The following EBI3 variants were observed in gnomAD, a reference collection of about 807,000 sequenced individuals.
The protein encoded by EBI3 is interleukin-27 subunit beta.
A neutral mutation model predicts 21.3 loss-of-function variants in EBI3; 19 were observed. The ratio of observed to expected loss-of-function variants is 0.89; its 90% CI spans 0.62 to 1.31. The LOEUF is 1.31. EBI3 is among the 50% of genes most tolerant of loss of function. EBI3 has a pLI of 0.00. For missense variants in EBI3, 331 were observed against 314.0 expected (o/e 1.05, Z -0.41); for synonymous variants, 154 against 131.2 (o/e 1.17, Z -1.19).
At chr19:4,232,433 A>G (rs985127679) in intron 2 of EBI3, among the ~76,000 whole-genome samples, 4 of 151,194 alleles carry the variant, frequency 2.6e-5, no homozygotes, top group African/African-American at 7.3e-5. Context: ...AATCAAAAAA[A>G]TTAGCTGGAT....
chr19:4,230,611 T>C (rs532052841), intron 1 of EBI3, among the ~76,000 whole-genome samples: 90 of 151,716 alleles, frequency 5.9e-4, no homozygotes, highest in African/African-American at 2.1e-3. Flanking sequence ...AGGCTGGGTT[T>C]GGTGGCTCAC....
intron 2 of EBI3, 90 bp from the exon 3 acceptor site, chr19:4,233,039 C>G: frequency 2.9e-6 from 4 of 1,381,750 alleles, no homozygotes; most frequent in Non-Finnish European, 3.8e-6. Context: ...GTTCCTGCCT[C>G]TCCTTGGGGT....
chr19:4,235,470 C>A (rs1970829593), intron 4 of EBI3, among the ~76,000 whole-genome samples: 2 of 152,004 alleles, frequency 1.3e-5, no homozygotes, highest in Admixed American at 6.6e-5. Context: ...CAGGCGCCCA[C>A]CACGCCCGGC....
At chr19:4,236,809 G>A in intron 4 of EBI3, 127 bp from the exon 5 acceptor site, 1 of 1,147,806 alleles carries the variant, frequency 8.7e-7, no homozygotes. Context: ...CGCACAGCTG[G>A]GGCCAGAGTC....
intron 2 of EBI3, chr19:4,232,901 C>T (rs1970802202): frequency 4.3e-6 from 2 of 465,526 alleles, no homozygotes; most frequent in Non-Finnish European, 3.8e-6. Flanking sequence ...TAGCATCTAG[C>T]TTGGGTTGTA....
chr19:4,236,811 G>T (rs1970842362), intron 4 of EBI3, 125 bp from the exon 5 acceptor site: 7 of 1,173,564 alleles, frequency 6.0e-6, no homozygotes, highest in Non-Finnish European at 7.9e-6. Flanking sequence ...CACAGCTGGG[G>T]CCAGAGTCCT....
At chr19:4,233,021 C>T (rs1970803944) in intron 2 of EBI3, 108 bp from the exon 3 acceptor site, 1 of 1,291,728 alleles carries the variant, frequency 7.7e-7, no homozygotes, top group Admixed American at 3.3e-5. Flanking sequence ...CATCCGCTGC[C>T]CCCTCCTGTT....
chr19:4,236,998 C>T lies in EBI3; in HGVS notation c.600C>T (p.Tyr200=), dbSNP rs932066318. ...LRAVRPRARY[Y]VQVAAQDLTD... The stretch of plus-strand genomic sequence containing the variant: ...CTGTGCGGCCCCGAGCCAGGTACTA[C>T]GTCCAAGTGGCGGCTCAGGACCTCA... Residue 200 remains tyrosine, a synonymous_variant, in exon 5 of 5, where the codon TAC becomes TAT. Transcript: ENST00000221847. 6.3e-6 allele frequency: 10 copies of T among 1,585,810 alleles called. No individual in the cohort carries two copies. The highest frequency in any genetic ancestry group is 1.1e-5 in the South Asian group (1 of 88,766).
chr19:4,237,139 G>T lies in EBI3; in HGVS notation c.*51G>T. On this transcript the variant is annotated 3_prime_UTR_variant, in exon 5 of 5. Coordinates refer to ENST00000221847, the MANE Select transcript of EBI3 (RefSeq NM_005755.3). ...AGCACCTGGGTCCTCGCCACCCTAAGCCCCGGGACACCTGTTGGAGGGCGG... is the reference window on the plus strand; with the variant it reads ...AGCACCTGGGTCCTCGCCACCCTAATCCCCGGGACACCTGTTGGAGGGCGG... 1 of 1,406,116 alleles carries T rather than the reference G, an allele frequency of 7.1e-7. No homozygotes were observed. 87.1% of individuals were successfully genotyped at this position (1,406,116 alleles called of 1,614,324 possible). A position where few individuals can be genotyped will look rare whatever the true frequency, so the allele number is the denominator to read the frequency against.
chr19:4,234,488 G>A (rs1970818454), intron 3 of EBI3, among the ~76,000 whole-genome samples, 179 bp from the exon 4 acceptor site: 1 of 151,962 alleles, frequency 6.6e-6, no homozygotes, highest in Admixed American at 6.6e-5. Flanking sequence ...GCCTGAACCT[G>A]GGAGGCAGAG....
chr19:4,230,343 T>A (rs1435441513), intron 1 of EBI3, among the ~76,000 whole-genome samples: 1 of 151,794 alleles, frequency 6.6e-6, no homozygotes, highest in Non-Finnish European at 1.5e-5. Context: ...GGCGTGAGGA[T>A]CGTGAGGCCA....
chr19:4,234,522 C>T lies in EBI3; in HGVS notation c.380-145C>T, dbSNP rs893638232. The T allele has an allele frequency of 5.3e-6, 7 of 1,317,292 alleles. No homozygotes were observed. In the Admixed American group the frequency reaches 6.8e-5, roughly 13 times the overall value. The allele number at this position is 1,317,292 out of a possible 1,614,324, so 81.6% of individuals were successfully genotyped here. On this transcript the variant is annotated intron_variant, in intron 3 of 4. Transcript: ENST00000221847. ...AGGTTGTAGTGAGCTGAGATCACGC[C>T]GCTGTACTCCAGCCTGGGTGACAGA...
chr19:4,234,458 G>C (rs1382234545), intron 3 of EBI3, among the ~76,000 whole-genome samples: 1 of 152,134 alleles, frequency 6.6e-6, no homozygotes, highest in Non-Finnish European at 1.5e-5. Flanking sequence ...AACTACTCGG[G>C]AGGCTGAGGC....
In EBI3 at chr19:4,237,143, C is replaced by T. The variant is rs1046642473; in HGVS notation, c.*55C>T. 10 of 1,407,310 alleles carry T rather than the reference C, an allele frequency of 7.1e-6. No individual in the cohort carries two copies. Among genetic ancestry groups the T allele is most frequent in the East Asian group, 5.5e-5 (2 of 36,572 alleles). The allele number at this position is 1,407,310 out of a possible 1,614,324, so 87.2% of individuals were successfully genotyped here. A position where few individuals can be genotyped will look rare whatever the true frequency, so the allele number is the denominator to read the frequency against. ...CCTGGGTCCTCGCCACCCTAAGCCCCGGGACACCTGTTGGAGGGCGGATGG... is the reference window on the plus strand; with the variant it reads ...CCTGGGTCCTCGCCACCCTAAGCCCTGGGACACCTGTTGGAGGGCGGATGG... On this transcript the variant is annotated 3_prime_UTR_variant, in exon 5 of 5. Coordinates refer to ENST00000221847, the MANE Select transcript of EBI3 (RefSeq NM_005755.3).
Position 4,232,009 on chromosome 19 carries a change from AAGGTC to A in EBI3, c.200+690_200+694del, listed in dbSNP as rs550016726. ...TGGGAGGCCGAGGTGGGCGGATCAC[AAGGTC>A]AGGAGATGGAGACCACCCTGGCGAA... On this transcript the variant is annotated intron_variant, in intron 2 of 4. Transcript: ENST00000221847. Among the ~76,000 whole-genome samples, 603 of 150,914 alleles carry A rather than the reference AAGGTC, an allele frequency of 4.0e-3. 7 individuals carry two copies. The highest frequency in any genetic ancestry group is 0.014 in the African/African-American group (578 of 41,144).
At chr19:4,234,872 G>T in intron 4 of EBI3, 48 bp downstream of exon 4, 1 of 1,601,970 alleles carries the variant, frequency 6.2e-7, no homozygotes. Context: ...CTGGCAGAGG[G>T]AATGGTTTTT....
At chr19:4,232,163 G>A (rs1970788952) in intron 2 of EBI3, among the ~76,000 whole-genome samples, 1 of 134,248 alleles carries the variant, frequency 7.4e-6, no homozygotes, top group African/African-American at 2.8e-5. Context: ...GGTGGACGTT[G>A]CAGTGAGCCA....
rs183759147 is a variant in EBI3 at position 4,232,594 on chromosome 19, C to T, written c.201-535C>T. 1.3e-3 allele frequency among the ~76,000 whole-genome samples: 201 copies of T among 150,222 alleles called. 1 individual carries two copies. The highest frequency in any genetic ancestry group is 1.7e-3 in the African/African-American group (69 of 41,344). On this transcript the variant is annotated intron_variant, in intron 2 of 4. Coordinates refer to ENST00000221847, the MANE Select transcript of EBI3 (RefSeq NM_005755.3). ...TTAAAATTAGCCAAGAGTGGTGATG[C>T]GTGCCTGTAGTCCCAACCGCTCTGG...
At chr19:4,229,744 C>T in intron 1 of EBI3, 127 bp downstream of exon 1, 1 of 969,256 alleles carries the variant, frequency 1.0e-6, no homozygotes, top group Non-Finnish European at 1.5e-6. Flanking sequence ...GGGTTACCCT[C>T]CCATTGTACA....
Sources: gnomAD v4.1 joint callset for allele counts (sites outside exome capture counted in the v4.1 genomes callset) on GRCh38, gnomAD v4.1.1 for gene constraint, MANE v1.5 for transcripts, NCBI Gene and HGNC (gene_info 2026-07-23, HGNC 2026-07-21) for gene names.